ANKS1B: variants seen among roughly 807,000 people sequenced by gnomAD.
ANKS1B encodes ankyrin repeat and sterile alpha motif domain containing 1B.
A neutral mutation model predicts 148.3 loss-of-function variants in ANKS1B; 36 were observed. That is an observed-to-expected ratio of 0.24 (90% CI 0.19 to 0.32). ANKS1B has a LOEUF of 0.32. Ranked by LOEUF, ANKS1B falls within the 10% of genes least tolerant of loss-of-function variation. The probability of loss-of-function intolerance (pLI) is 1.00; values close to 1 mark genes in which losing one functional copy is unlikely to be tolerated. For missense variants in ANKS1B, 1,157 were observed against 1,542.6 expected (o/e 0.75, Z 4.19); for synonymous variants, 542 against 560.8 (o/e 0.97, Z 0.47).
intron 9 of ANKS1B, among the ~76,000 whole-genome samples, chr12:99,636,751 C>T (rs114213474): frequency 2.0e-5 from 3 of 152,172 alleles, no homozygotes; most frequent in Non-Finnish European, 2.9e-5. Flanking sequence ...GCTCTGTGCA[C>T]GTCCATGAAT....
intron 17 of ANKS1B, among the ~76,000 whole-genome samples, chr12:98,880,641 G>A (rs1462195934): frequency 1.3e-5 from 2 of 152,010 alleles, no homozygotes; most frequent in Admixed American, 6.6e-5. Flanking sequence ...GGTGGCGGGC[G>A]CCTGTAGTCC....
chr12:98,778,739 T>C (rs1008144880), intron 24 of ANKS1B, among the ~76,000 whole-genome samples: 1 of 152,238 alleles, frequency 6.6e-6, no homozygotes, highest in African/African-American at 2.4e-5. Context: ...CCCTGGCTGA[T>C]GGTAGTATTT....
At chr12:99,740,384 A>G (rs2059984846) in intron 8 of ANKS1B, among the ~76,000 whole-genome samples, 2 of 152,194 alleles carry the variant, frequency 1.3e-5, no homozygotes, top group Non-Finnish European at 2.9e-5. Flanking sequence ...TGTAATAATA[A>G]ATATTATAAT....
intron 14 of ANKS1B, among the ~76,000 whole-genome samples, chr12:99,237,321 T>C (rs1156703695): frequency 2.0e-5 from 3 of 152,006 alleles, no homozygotes; most frequent in Non-Finnish European, 4.4e-5. Flanking sequence ...TACATATATA[T>C]GTATATATAT....
At chr12:98,783,080 T>C (rs553652255) in intron 22 of ANKS1B, among the ~76,000 whole-genome samples, 1 of 152,374 alleles carries the variant, frequency 6.6e-6, no homozygotes, top group East Asian at 1.9e-4. Flanking sequence ...TGGATTTCGG[T>C]AAATCACCTC....
At chr12:99,534,273 G>A (rs2097037263) in intron 9 of ANKS1B, among the ~76,000 whole-genome samples, 1 of 152,208 alleles carries the variant, frequency 6.6e-6, no homozygotes, top group Non-Finnish European at 1.5e-5. Context: ...GCTCATAGGG[G>A]AAGGATAAGT....
chr12:98,786,804 A>G (rs1423044251), intron 22 of ANKS1B, among the ~76,000 whole-genome samples: 1 of 152,166 alleles, frequency 6.6e-6, no homozygotes, highest in Non-Finnish European at 1.5e-5. Context: ...GACAGGGAAA[A>G]CAGTGAGGCT....
chr12:99,855,951 T>G (rs2088953686), intron 1 of ANKS1B, among the ~76,000 whole-genome samples: 1 of 151,738 alleles, frequency 6.6e-6, no homozygotes, highest in Admixed American at 6.6e-5. Flanking sequence ...AATACCTACA[T>G]CAAAAAGTCT....
intron 8 of ANKS1B, among the ~76,000 whole-genome samples, chr12:99,688,070 A>T (rs1427576476): frequency 3.3e-5 from 5 of 152,198 alleles, no homozygotes; most frequent in African/African-American, 2.4e-5. Flanking sequence ...GACTCTTCTG[A>T]GTACTCTTCC....
chr12:99,320,511 T>C (rs1207044040), intron 12 of ANKS1B, among the ~76,000 whole-genome samples: 4 of 152,186 alleles, frequency 2.6e-5, no homozygotes, highest in Non-Finnish European at 4.4e-5. Flanking sequence ...GCATGCATCA[T>C]GTAGTTCTCG....
chr12:99,424,622 A>AACACACACAC (rs200308044), intron 11 of ANKS1B, among the ~76,000 whole-genome samples: 1 of 147,362 alleles, frequency 6.8e-6, no homozygotes, highest in Non-Finnish European at 1.5e-5. Flanking sequence ...AGGTAGCAGA[A>AACACACACAC]ACACACACAC....
chr12:99,040,521 C>A (rs1427430786), intron 17 of ANKS1B, among the ~76,000 whole-genome samples: 1 of 152,118 alleles, frequency 6.6e-6, no homozygotes, highest in Non-Finnish European at 1.5e-5. Context: ...TGTTGCAAGA[C>A]CAGCCTAGTG....
intron 1 of ANKS1B, among the ~76,000 whole-genome samples, chr12:99,867,229 G>C (rs2090879525): frequency 1.3e-5 from 2 of 151,938 alleles, no homozygotes; most frequent in African/African-American, 2.4e-5. Flanking sequence ...CACAAACATA[G>C]AGCCATTATG....
At chr12:99,854,399 A>G (rs905530427) in intron 1 of ANKS1B, among the ~76,000 whole-genome samples, 3 of 152,220 alleles carry the variant, frequency 2.0e-5, no homozygotes, top group African/African-American at 4.8e-5. Context: ...TAATTTTGGG[A>G]TTATGTTAAC....
intron 14 of ANKS1B, among the ~76,000 whole-genome samples, chr12:99,188,244 T>C (rs149281611): frequency 6.0e-4 from 91 of 152,270 alleles, no homozygotes; most frequent in Middle Eastern, 3.4e-3. Flanking sequence ...ACAATAATAG[T>C]GGGAGACTTT....
intron 17 of ANKS1B, among the ~76,000 whole-genome samples, chr12:98,943,767 G>A (rs935264437): frequency 3.9e-5 from 6 of 152,128 alleles, no homozygotes; most frequent in African/African-American, 9.7e-5. Flanking sequence ...CACCTTTGCC[G>A]TCTACCCTAA....
At chr12:99,708,647 T>A (rs1305854734) in intron 8 of ANKS1B, among the ~76,000 whole-genome samples, 1 of 152,140 alleles carries the variant, frequency 6.6e-6, no homozygotes, top group Non-Finnish European at 1.5e-5. Context: ...GTATCTTCTA[T>A]CATTGCATTT....
chr12:99,298,945 C>A (rs1032389), intron 12 of ANKS1B, among the ~76,000 whole-genome samples: 72,008 of 152,012 alleles, frequency 0.47, 18,907 homozygotes, highest in African/African-American at 0.71. Flanking sequence ...TTGTTAGCAT[C>A]AAATTTCGGT....
At chr12:98,877,889 A>G (rs1398972148) in intron 17 of ANKS1B, among the ~76,000 whole-genome samples, 1 of 152,192 alleles carries the variant, frequency 6.6e-6, no homozygotes, top group African/African-American at 2.4e-5. Context: ...TTCCATATAT[A>G]TATTTACTGA....
Sources: gnomAD v4.1 joint callset for allele counts (sites outside exome capture counted in the v4.1 genomes callset) on GRCh38, gnomAD v4.1.1 for gene constraint, MANE v1.5 for transcripts, NCBI Gene and HGNC (gene_info 2026-07-23, HGNC 2026-07-21) for gene names.